RAX2: variants seen among roughly 807,000 people sequenced by gnomAD.
RAX2 encodes retina and anterior neural fold homeobox protein 2.
A neutral mutation model predicts 5.8 loss-of-function variants in RAX2; 4 were observed. The observed-to-expected ratio is 0.69, with a 90% confidence interval of 0.34 to 1.58. The LOEUF (loss-of-function observed/expected upper bound fraction) is 1.58. Ranked by LOEUF, RAX2 falls within the 40% of genes most tolerant of loss-of-function variation. The pLI is 0.05. For missense variants in RAX2, 275 were observed against 271.4 expected, an observed-to-expected ratio of 1.01 and a Z score of -0.09; for synonymous variants, 133 against 128.8, an observed-to-expected ratio of 1.03 and a Z score of -0.22.
Position 3,770,972 on chromosome 19 carries a change from A to T in RAX2, c.217-13T>A. Reference sequence around the variant, plus strand: ...TCTGGAACCACACCTGGAGGGTGCGAGAGGGAAGGGGGGTTGCTGTGAGCT... The same window carrying T: ...TCTGGAACCACACCTGGAGGGTGCGTGAGGGAAGGGGGGTTGCTGTGAGCT... On this transcript the variant is annotated splice_polypyrimidine_tract_variant and intron_variant, in intron 2 of 2. Coordinates refer to ENST00000555633, the MANE Select transcript of RAX2 (RefSeq NM_001319074.4). 1 of 1,545,332 alleles carries T rather than the reference A, an allele frequency of 6.5e-7. No homozygotes were observed. Among genetic ancestry groups the T allele is most frequent in the Non-Finnish European group, 8.7e-7 (1 of 1,149,644 alleles).
At position 3,771,916 on chromosome 19, in the gene RAX2, G is replaced by A; in HGVS notation, c.-174C>T. The A allele has an allele frequency of 7.9e-7, 1 of 1,262,338 alleles. No individual in the cohort carries two copies. The highest frequency in any genetic ancestry group is 1.1e-6 in the Non-Finnish European group (1 of 940,938). 78.2% of individuals were successfully genotyped at this position (1,262,338 alleles called of 1,614,324 possible). ...TCCCCAGGCTGTCCTCCTCGGGCTT[G>A]GGGGGGTCTCCTGCTGTGCCTCTGT... On this transcript the variant is annotated 5_prime_UTR_variant, in exon 2 of 3. Transcript: ENST00000555633. This position sits in a 1 kb window ranked among gnomAD's most constrained non-coding sequence, Gnocchi z 4.2.
In RAX2 at chr19:3,770,398, G is replaced by A; in HGVS notation, c.*223C>T. The A allele has an allele frequency of 3.6e-6, 2 of 549,892 alleles. No homozygotes were observed. Among genetic ancestry groups the A allele is most frequent in the Middle Eastern group, 4.7e-4 (1 of 2,110 alleles). 34.1% of individuals were successfully genotyped at this position (549,892 alleles called of 1,614,324 possible). A position where few individuals can be genotyped will look rare whatever the true frequency, so the allele number is the denominator to read the frequency against. ...GGTCACCTCCTGCCTGACACTGGGG[G>A]CCAGTCCGCTGCCAGCAGGACGGGT... On this transcript the variant is annotated 3_prime_UTR_variant, in exon 3 of 3. Transcript: ENST00000555633.
Position 3,769,353 on chromosome 19 carries a change from A to C in RAX2, c.*1268T>G, listed in dbSNP as rs2037225248. On this transcript the variant is annotated 3_prime_UTR_variant, in exon 3 of 3. Transcript: ENST00000555633. Reference sequence around the variant, plus strand: ...TCCTCCCACCTCAGCCTCCCAAAGCACTGGGATTACAGGCATGAGCCACCG... The same window carrying C: ...TCCTCCCACCTCAGCCTCCCAAAGCCCTGGGATTACAGGCATGAGCCACCG... 6.6e-6 allele frequency: 1 copy of C among 152,184 alleles called. No individual in the cohort carries two copies. The highest frequency in any genetic ancestry group is 1.5e-5 in the Non-Finnish European group (1 of 68,080). 9.4% of individuals were successfully genotyped at this position (152,184 alleles called of 1,614,324 possible).
Position 3,772,151 on chromosome 19 carries a change from C to T in RAX2, c.-269+12G>A. The T allele has an allele frequency of 2.1e-6, 1 of 465,220 alleles. No individual in the cohort carries two copies. Among genetic ancestry groups the T allele is most frequent in the Non-Finnish European group, 4.3e-6 (1 of 233,900 alleles). The allele number at this position is 465,220 out of a possible 1,614,324, so 28.8% of individuals were successfully genotyped here. A position where few individuals can be genotyped will look rare whatever the true frequency, so the allele number is the denominator to read the frequency against. ...TCCTACCCAGGCCCACCAGTGCCCACCCCGCACTCACCGCCCACGGCAGCC... is the reference window on the plus strand; with the variant it reads ...TCCTACCCAGGCCCACCAGTGCCCATCCCGCACTCACCGCCCACGGCAGCC... On this transcript the variant is annotated intron_variant, in intron 1 of 2. Coordinates refer to ENST00000555633, the MANE Select transcript of RAX2 (RefSeq NM_001319074.4).
chr19:3,769,295 T>C lies in RAX2; in HGVS notation c.*1326A>G, dbSNP rs1420924451. 2 of 152,018 alleles carry C rather than the reference T, an allele frequency of 1.3e-5. No homozygotes were observed. Among genetic ancestry groups the C allele is most frequent in the Non-Finnish European group, 2.9e-5 (2 of 68,066 alleles). The allele number at this position is 152,018 out of a possible 1,614,324, so 9.4% of individuals were successfully genotyped here. A position where few individuals can be genotyped will look rare whatever the true frequency, so the allele number is the denominator to read the frequency against. On this transcript the variant is annotated 3_prime_UTR_variant, in exon 3 of 3. Coordinates refer to ENST00000555633, the MANE Select transcript of RAX2 (RefSeq NM_001319074.4). ...TTTAAAAACGTTTGTGGAGATGGGG[T>C]CTTGCTGTGTCACCCAGGCTGGTCT... is the stretch of plus-strand genomic sequence containing the variant.
rs745749097 is a variant in RAX2 at position 3,770,573 on chromosome 19, C to G, written c.*48G>C. On this transcript the variant is annotated 3_prime_UTR_variant, in exon 3 of 3. Transcript: ENST00000555633. ...GTGGTGGCTGTCACCAGGGCACGTC[C>G]CCGGTTCTCGGGTTGGGCCGAGGAG... is the stretch of plus-strand genomic sequence containing the variant. 4.7e-6 allele frequency: 7 copies of G among 1,499,704 alleles called. No homozygotes were observed. In the South Asian group the frequency reaches 6.0e-5, roughly 13 times the overall value. The allele number at this position is 1,499,704 out of a possible 1,614,324, so 92.9% of individuals were successfully genotyped here. A position where few individuals can be genotyped will look rare whatever the true frequency, so the allele number is the denominator to read the frequency against.
At position 3,771,639 on chromosome 19, in the gene RAX2, G is replaced by A. The variant is rs2037263650; in HGVS notation, c.104C>T (p.Thr35Ile). The change falls in exon 2 of 3, where the codon ACC becomes ATC. Residue 35 changes from threonine (T) to isoleucine (I), a missense_variant. Thr to Ile is a moderately conservative substitution (Grantham distance 89). Coordinates refer to ENST00000555633, the MANE Select transcript of RAX2 (RefSeq NM_001319074.4). The surrounding 1 kb of genome is among the most constrained non-coding windows in gnomAD (Gnocchi z 4.2). ...KKHRRNRTTFTTYQLHQLERA... is the reference protein window; with the variant it reads ...KKHRRNRTTFITYQLHQLERA... ...CTCCAGCTGGTGCAGCTGGTAGGTGGTGAAGGTGGTGCGGTTCCTCCGGTG... is the reference window on the plus strand; with the variant it reads ...CTCCAGCTGGTGCAGCTGGTAGGTGATGAAGGTGGTGCGGTTCCTCCGGTG... 4 of 1,613,584 alleles carry A rather than the reference G, an allele frequency of 2.5e-6. No individual in the cohort carries two copies. In the African/African-American group the frequency reaches 5.3e-5, roughly 21 times the overall value.
Position 3,771,861 on chromosome 19 carries a change from C to G in RAX2, c.-119G>C. The G allele has an allele frequency of 2.7e-6, 4 of 1,455,742 alleles. No homozygotes were observed. The highest frequency in any genetic ancestry group is 3.6e-6 in the Non-Finnish European group (4 of 1,106,108). 90.2% of individuals were successfully genotyped at this position (1,455,742 alleles called of 1,614,324 possible). Reference sequence around the variant, plus strand: ...CCTCCCGGCTCCGGGGAAATCGGTTCCCTCCACTGGGGCCGGCATGCGCTC... The same window carrying G: ...CCTCCCGGCTCCGGGGAAATCGGTTGCCTCCACTGGGGCCGGCATGCGCTC... On this transcript the variant is annotated 5_prime_UTR_variant, in exon 2 of 3. Coordinates refer to ENST00000555633, the MANE Select transcript of RAX2 (RefSeq NM_001319074.4). This position sits in a 1 kb window ranked among gnomAD's most constrained non-coding sequence, Gnocchi z 4.2.
rs1273804583 is a variant in RAX2 at position 3,771,428 on chromosome 19, T to A, written c.216+99A>T. The stretch of plus-strand genomic sequence containing the variant: ...CCACACCCCCTCCTCCAGGAAGCCT[T>A]CCTAGCTTCTCTTCTGCTGTTGCTC... On this transcript the variant is annotated intron_variant, in intron 2 of 2. Coordinates refer to ENST00000555633, the MANE Select transcript of RAX2 (RefSeq NM_001319074.4). This position sits in a 1 kb window ranked among gnomAD's most constrained non-coding sequence, Gnocchi z 4.2. 4.0e-6 allele frequency: 4 copies of A among 999,866 alleles called. No homozygotes were observed. The East Asian group carries it at 1.0e-4, about 26-fold the overall frequency. 61.9% of individuals were successfully genotyped at this position (999,866 alleles called of 1,614,324 possible).
In RAX2 at chr19:3,770,252, G is replaced by C. The variant is rs543676430; in HGVS notation, c.*369C>G. The C allele has an allele frequency of 3.3e-6, 1 of 306,608 alleles. No homozygotes were observed. The highest frequency in any genetic ancestry group is 6.8e-5 in the East Asian group (1 of 14,656). The allele number at this position is 306,608 out of a possible 1,614,324, so 19.0% of individuals were successfully genotyped here. On this transcript the variant is annotated 3_prime_UTR_variant, in exon 3 of 3. Coordinates refer to ENST00000555633, the MANE Select transcript of RAX2 (RefSeq NM_001319074.4). ...TTTACACTCATCTTACAGAGTCAGC[G>C]GTCCCGCCACCCACAGCCTCGCAGC...
rs1293432590 is a variant in RAX2 at position 3,771,869 on chromosome 19, T to C, written c.-127A>G. ...CTCCGGGGAAATCGGTTCCCTCCAC[T>C]GGGGCCGGCATGCGCTCTGCATCCC... On this transcript the variant is annotated 5_prime_UTR_variant, in exon 2 of 3. Transcript: ENST00000555633. This position sits in a 1 kb window ranked among gnomAD's most constrained non-coding sequence, Gnocchi z 4.2. The C allele has an allele frequency of 6.9e-7, 1 of 1,453,026 alleles. No individual in the cohort carries two copies. 90.0% of individuals were successfully genotyped at this position (1,453,026 alleles called of 1,614,324 possible).
In RAX2 at chr19:3,769,435, C is replaced by T. The variant is rs2037226268; in HGVS notation, c.*1186G>A. 1 of 152,404 alleles carries T rather than the reference C, an allele frequency of 6.6e-6. No homozygotes were observed. Among genetic ancestry groups the T allele is most frequent in the Admixed American group, 6.5e-5 (1 of 15,286 alleles). 9.4% of individuals were successfully genotyped at this position (152,404 alleles called of 1,614,324 possible). The stretch of plus-strand genomic sequence containing the variant: ...ATCTTTCTTGTGCTTACTGCCGTGT[C>T]CCCACTGCCTGGTGTGCGGTGACAT... On this transcript the variant is annotated 3_prime_UTR_variant, in exon 3 of 3. Coordinates refer to ENST00000555633, the MANE Select transcript of RAX2 (RefSeq NM_001319074.4).
Position 3,769,913 on chromosome 19 carries a change from CCT to C in RAX2, c.*706_*707del, listed in dbSNP as rs1326625879. On this transcript the variant is annotated 3_prime_UTR_variant, in exon 3 of 3. Coordinates refer to ENST00000555633, the MANE Select transcript of RAX2 (RefSeq NM_001319074.4). Reference sequence around the variant, plus strand: ...CACCAGCACCTGGCCCGGGACCCACCCTCTCTCCAGAACCTGTCGCTGTGCCC... The same window carrying C: ...CACCAGCACCTGGCCCGGGACCCACCCTCTCCAGAACCTGTCGCTGTGCCC... The C allele has an allele frequency of 6.6e-6, 1 of 152,490 alleles. No homozygotes were observed. The highest frequency in any genetic ancestry group is 1.5e-5 in the Non-Finnish European group (1 of 68,340). 9.4% of individuals were successfully genotyped at this position (152,490 alleles called of 1,614,324 possible). A position where few individuals can be genotyped will look rare whatever the true frequency, so the allele number is the denominator to read the frequency against.
chr19:3,770,632 G>T lies in RAX2; in HGVS notation c.544C>A (p.Pro182Thr), dbSNP rs1285206637. 1.4e-5 allele frequency: 22 copies of T among 1,533,120 alleles called. No homozygotes were observed. Among genetic ancestry groups the T allele is most frequent in the Non-Finnish European group, 1.9e-5 (22 of 1,145,868 alleles). The allele number at this position is 1,533,120 out of a possible 1,614,324, so 95.0% of individuals were successfully genotyped here. ...GGAGGGCGGCAGGCTCAGGCTGGCGGCCAGGCCCTGTCCAGAGCCTGTGCA... is the reference window on the plus strand; with the variant it reads ...GGAGGGCGGCAGGCTCAGGCTGGCGTCCAGGCCCTGTCCAGAGCCTGTGCA... Reference protein sequence around the residue: ...EHAQALDRAWPPA With the variant: ...EHAQALDRAWTPA Residue 182 changes from proline to threonine, a missense_variant, in exon 3 of 3, where the codon CCG (proline) becomes ACG (threonine). Transcript: ENST00000555633.
Position 3,770,717 on chromosome 19 carries a change from G to A in RAX2, c.459C>T (p.Pro153=), listed in dbSNP as rs1486188826. ...CCAGGGCGAAGCCATCTGCGAAGGTGGGAGCAAAGGCATGAGGCCCGAAGG... is the reference window on the plus strand; with the variant it reads ...CCAGGGCGAAGCCATCTGCGAAGGTAGGAGCAAAGGCATGAGGCCCGAAGG... ...QASFGPHAFA[P]TFADGFALEE... Residue 153 remains proline (P), a synonymous_variant, in exon 3 of 3, where the codon CCC becomes CCT. Transcript: ENST00000555633. 6 of 1,535,450 alleles carry A rather than the reference G, an allele frequency of 3.9e-6. No homozygotes were observed. Among genetic ancestry groups the A allele is most frequent in the Non-Finnish European group, 5.2e-6 (6 of 1,146,286 alleles).
rs2145736261 is a variant in RAX2 at position 3,770,838 on chromosome 19, G to A, written c.338C>T (p.Ala113Val). 1 of 1,527,072 alleles carries A rather than the reference G, an allele frequency of 6.5e-7. No homozygotes were observed. Among genetic ancestry groups the A allele is most frequent in the Admixed American group, 2.0e-5 (1 of 50,558 alleles). The allele number at this position is 1,527,072 out of a possible 1,614,324, so 94.6% of individuals were successfully genotyped here. Reference sequence around the variant, plus strand: ...CCAGGGCTCCAGGGGCAGCGACATGGCCGGGGGGCGGGCGAACGGCAGCGC... The same window carrying A: ...CCAGGGCTCCAGGGGCAGCGACATGACCGGGGGGCGGGCGAACGGCAGCGC... Reference protein sequence around the residue: ...APALPFARPPAMSLPLEPWLG... With the variant: ...APALPFARPPVMSLPLEPWLG... Residue 113 changes from alanine (A) to valine (V), a missense_variant, in exon 3 of 3, where the codon GCC becomes GTC. Coordinates refer to ENST00000555633, the MANE Select transcript of RAX2 (RefSeq NM_001319074.4).
Position 3,771,710 on chromosome 19 carries a change from G to C in RAX2, c.33C>G (p.Thr11=). The C allele has an allele frequency of 6.2e-7, 1 of 1,609,610 alleles. No individual in the cohort carries two copies. The highest frequency in any genetic ancestry group is 8.5e-7 in the Non-Finnish European group (1 of 1,179,292). MFLSPGEGPA[T]EGGGLGPGEE... is the part of the protein sequence containing the mutation. ...CGCCCGGCCCCAGACCCCCACCCTC[G>C]GTTGCCGGCCCCTCGCCCGGGCTCA... Residue 11 remains threonine, a synonymous_variant, in exon 2 of 3, where the codon ACC becomes ACG. Coordinates refer to ENST00000555633, the MANE Select transcript of RAX2 (RefSeq NM_001319074.4). The surrounding 1 kb of genome is among the most constrained non-coding windows in gnomAD (Gnocchi z 4.2).
Position 3,770,799 on chromosome 19 carries a change from G to A in RAX2, c.377C>T (p.Pro126Leu), listed in dbSNP as rs537165398. The A allele has an allele frequency of 2.6e-5, 40 of 1,516,626 alleles. No homozygotes were observed. The highest frequency in any genetic ancestry group is 2.5e-4 in the East Asian group (10 of 39,616). The allele number at this position is 1,516,626 out of a possible 1,614,324, so 93.9% of individuals were successfully genotyped here. The change falls in exon 3 of 3, where the codon CCG becomes CTG. Residue 126 changes from proline (P) to leucine (L), a missense_variant. Transcript: ENST00000555633. ...GCGGGGGAGGCCTGGCACGGCCGGCGGTCCGGGGCCCAACCAGGGCTCCAG... is the reference window on the plus strand; with the variant it reads ...GCGGGGGAGGCCTGGCACGGCCGGCAGTCCGGGGCCCAACCAGGGCTCCAG... ...LPLEPWLGPG[P>L]PAVPGLPRLL...
chr19:3,770,546 G>A lies in RAX2; in HGVS notation c.*75C>T. 7.3e-7 allele frequency: 1 copy of A among 1,367,012 alleles called. No individual in the cohort carries two copies. 84.7% of individuals were successfully genotyped at this position (1,367,012 alleles called of 1,614,324 possible). ...CTCCATGACCTCGGCCTAGGCCAAG[G>A]CGTGGTGGCTGTCACCAGGGCACGT... On this transcript the variant is annotated 3_prime_UTR_variant, in exon 3 of 3. Transcript: ENST00000555633.
Sources: gnomAD v4.1 joint callset for allele counts on GRCh38, gnomAD v4.1.1 for gene constraint, Gnocchi (gnomAD v3.1) non-coding constraint, MANE v1.5 for transcripts, NCBI Gene and HGNC (gene_info 2026-07-23, HGNC 2026-07-21) for gene names.